The following ELAC2 variants were observed in gnomAD, a reference collection of about 807,000 sequenced individuals.
The protein encoded by ELAC2 is zinc phosphodiesterase ELAC protein 2.
In ELAC2, 92 loss-of-function variants were observed where a neutral mutation model predicts 105.2. That is an observed-to-expected ratio of 0.87 (90% CI 0.74 to 1.04). ELAC2 has a LOEUF of 1.04. Among genes scored for constraint, ELAC2 ranks in the 50% least tolerant of loss-of-function variants. ELAC2 has a pLI of 0.00. For synonymous variants in ELAC2, 468 were observed against 409.1 expected (o/e 1.14, Z -1.74); for missense variants, 1,099 against 1,071.7 (o/e 1.03, Z -0.36).
intron 21 of ELAC2, 38 bp downstream of exon 21, chr17:12,994,726 G>A (rs1401667234): frequency 1.9e-6 from 3 of 1,613,174 alleles, no homozygotes; most frequent in African/African-American, 2.7e-5. Context: ...ACAAACCCCA[G>A]AGCAACCTCA....
intron 14 of ELAC2, among the ~76,000 whole-genome samples, chr17:13,001,812 A>G (rs1216342991): frequency 6.6e-6 from 1 of 152,246 alleles, no homozygotes; most frequent in African/African-American, 2.4e-5. Context: ...AAATCTTGTT[A>G]CTTAAGACTG....
Position 12,991,656 on chromosome 17 carries a change from T to G in ELAC2, c.*1162A>C. On this transcript the variant is annotated 3_prime_UTR_variant, in exon 24 of 24. Transcript: ENST00000338034. ...TTATTATCCCTGAGCTTGGCATCTG[T>G]TCTTGCTTTAATAAACCTGCGGGGA... 1 of 196,862 alleles carries G rather than the reference T, an allele frequency of 5.1e-6. No individual in the cohort carries two copies. The highest frequency in any genetic ancestry group is 1.1e-5 in the Non-Finnish European group (1 of 94,538). The allele number at this position is 196,862 out of a possible 1,614,324, so 12.2% of individuals were successfully genotyped here. A position where few individuals can be genotyped will look rare whatever the true frequency, so the allele number is the denominator to read the frequency against.
chr17:13,015,529 C>G (rs2041666700), intron 4 of ELAC2, among the ~76,000 whole-genome samples: 1 of 152,206 alleles, frequency 6.6e-6, no homozygotes, highest in Non-Finnish European at 1.5e-5. Context: ...TCTTTAACAA[C>G]TCTATGAAAC....
At chr17:12,994,905 G>A (rs1371142437) in intron 20 of ELAC2, 21 bp from the exon 21 acceptor site, 3 of 1,614,104 alleles carry the variant, frequency 1.9e-6, no homozygotes, top group African/African-American at 2.7e-5. Context: ...GGGGCTGGAG[G>A]GCTCTGCAGC....
At chr17:12,997,912 C>T (rs1209460761) in intron 16 of ELAC2, among the ~76,000 whole-genome samples, 2 of 152,166 alleles carry the variant, frequency 1.3e-5, no homozygotes, top group African/African-American at 2.4e-5. Context: ...AATAAAGGTT[C>T]TGAACACAAA....
At chr17:12,998,319 G>T in intron 16 of ELAC2, 93 bp downstream of exon 16, 2 of 1,207,998 alleles carry the variant, frequency 1.7e-6, no homozygotes, top group Non-Finnish European at 1.2e-6. Flanking sequence ...GCTTGATACC[G>T]CATTTCAAAT....
intron 8 of ELAC2, among the ~76,000 whole-genome samples, chr17:13,008,186 C>A (rs375126891): frequency 7.9e-4 from 120 of 151,168 alleles, no homozygotes; most frequent in African/African-American, 2.7e-3. Flanking sequence ...GGCAACAGAG[C>A]GAGACTCCAT....
chr17:13,000,771 T>C lies in ELAC2; in HGVS notation c.1305-497A>G, dbSNP rs1018791731. 10 of 191,246 alleles carry C rather than the reference T, an allele frequency of 5.2e-5. 1 individual carries two copies. The South Asian group carries it at 1.0e-3, about 19-fold the overall frequency. 11.8% of individuals were successfully genotyped at this position (191,246 alleles called of 1,614,324 possible). ...TCTGCAGTGAGGCCTGAGATCCCAC[T>C]TTCCTAGCAAGCCCCAGATCACACG... On this transcript the variant is annotated intron_variant, in intron 14 of 23. Coordinates refer to ENST00000338034, the MANE Select transcript of ELAC2 (RefSeq NM_018127.7).
Position 12,992,042 on chromosome 17 carries a change from T to G in ELAC2, c.*776A>C, listed in dbSNP as rs189682049. On this transcript the variant is annotated 3_prime_UTR_variant, in exon 24 of 24. Transcript: ENST00000338034. ...TGGAAGCAACAACACAGCAAATCTA[T>G]TGTCTCCACTTTTACCCAGAACCAC... Among the ~76,000 whole-genome samples the G allele has an allele frequency of 2.7e-3, 414 of 152,272 alleles. 3 individuals carry two copies. The highest frequency in any genetic ancestry group is 9.3e-3 in the African/African-American group (385 of 41,558).
chr17:13,005,925 G>C lies in ELAC2; in HGVS notation c.793C>G (p.Pro265Ala), dbSNP rs754951722. Residue 265 changes from proline to alanine, a missense_variant, in exon 9 of 24, where the codon CCA becomes GCA. Physicochemically the swap from Pro to Ala is conservative, Grantham distance 27. Transcript: ENST00000338034. ...LVLKAKEMGL[P>A]VGTAAIAPII... is the part of the protein sequence containing the mutation. The stretch of plus-strand genomic sequence containing the variant: ...AGCCTTACCCCCCACACTCACACTG[G>C]GAGGCCCATCTCCTTTGCTTTGAGC... 2 of 1,614,044 alleles carry C rather than the reference G, an allele frequency of 1.2e-6. No individual in the cohort carries two copies. The highest frequency in any genetic ancestry group is 1.3e-5 in the African/African-American group (1 of 74,900).
In ELAC2 at chr17:12,998,507, C is replaced by T; in HGVS notation, c.1425G>A (p.Glu475=). ...RSAQDGPAPA[E]KRSQYPEIIF... is the part of the protein sequence containing the mutation. ...TGATTTCTGGGTACTGACTTCTTTT[C>T]TCTGTGAAAAAATCCATGTGAAACA... Residue 475 remains glutamate, a splice_region_variant and synonymous_variant, in exon 16 of 24, where the codon GAG becomes GAA. Coordinates refer to ENST00000338034, the MANE Select transcript of ELAC2 (RefSeq NM_018127.7). 1.2e-6 allele frequency: 2 copies of T among 1,613,944 alleles called. No homozygotes were observed. Among genetic ancestry groups the T allele is most frequent in the Non-Finnish European group, 1.7e-6 (2 of 1,179,838 alleles).
chr17:13,002,695 T>C, intron 12 of ELAC2, 116 bp from the exon 13 acceptor site: 1 of 1,506,320 alleles, frequency 6.6e-7, no homozygotes, highest in Non-Finnish European at 9.0e-7. Context: ...GTTCAGTGAC[T>C]TGCCCCAAGC....
At chr17:12,994,286 A>T in intron 22 of ELAC2, 139 bp downstream of exon 22, 1 of 994,186 alleles carries the variant, frequency 1.0e-6, no homozygotes, top group Non-Finnish European at 1.6e-6. Flanking sequence ...GAGCACTGCC[A>T]CAGGTCAAGG....
intron 8 of ELAC2, among the ~76,000 whole-genome samples, chr17:13,009,250 T>G (rs1361943759): frequency 6.6e-6 from 1 of 152,174 alleles, no homozygotes; most frequent in Non-Finnish European, 1.5e-5. Context: ...CTACTTACTT[T>G]CATTATTATT....
chr17:12,994,549 G>A lies in ELAC2; in HGVS notation c.2030-46C>T, dbSNP rs138847889. The A allele has an allele frequency of 3.5e-5, 57 of 1,610,118 alleles. No homozygotes were observed. In the African/African-American group the frequency reaches 3.9e-4, roughly 11 times the overall value. On this transcript the variant is annotated intron_variant, in intron 21 of 23. Coordinates refer to ENST00000338034, the MANE Select transcript of ELAC2 (RefSeq NM_018127.7). ...TCAGGGCAGAGTTCTCTGCGAGAGCGGCACACAGGCCTCAGTCACGTGCTG... is the reference window on the plus strand; with the variant it reads ...TCAGGGCAGAGTTCTCTGCGAGAGCAGCACACAGGCCTCAGTCACGTGCTG...
rs1452741873 is a variant in ELAC2 at position 12,991,852 on chromosome 17, CTTACTTACTTACTTACT to C, written c.*949_*965del. ...CACAATAAATACTAGATTCAACTTACTTACTTACTTACTTACTTTACTTACTTACTTCCTTGGAAAAT... is the reference window on the plus strand; with the variant it reads ...CACAATAAATACTAGATTCAACTTACTTACTTACTTACTTCCTTGGAAAAT... On this transcript the variant is annotated 3_prime_UTR_variant, in exon 24 of 24. Coordinates refer to ENST00000338034, the MANE Select transcript of ELAC2 (RefSeq NM_018127.7). Among the ~76,000 whole-genome samples, 2 of 147,366 alleles carry C rather than the reference CTTACTTACTTACTTACT, an allele frequency of 1.4e-5. No individual in the cohort carries two copies. The highest frequency in any genetic ancestry group is 2.5e-5 in the African/African-American group (1 of 40,738).
intron 8 of ELAC2, among the ~76,000 whole-genome samples, chr17:13,008,250 G>A (rs139863456): frequency 0.1 from 15,665 of 151,738 alleles, 1,045 homozygotes; most frequent in Non-Finnish European, 0.14. Flanking sequence ...GATGGCTCAC[G>A]CCTGTAATCC....
chr17:13,002,558 G>C lies in ELAC2; in HGVS notation c.1101C>G (p.His367Gln). ...WMERFGPDTQ[H>Q]LVLNENCASV... ...AGGCACAGTTCTCATTCAGGACCAA[G>C]TGCTGGGTGTCAGGCCCAAACCTGT... The change falls in exon 13 of 24, where the codon CAC (histidine) becomes CAG (glutamine). Residue 367 changes from histidine (H) to glutamine (Q), a missense_variant. By Grantham distance (24) the His-to-Gln change is conservative. Coordinates refer to ENST00000338034, the MANE Select transcript of ELAC2 (RefSeq NM_018127.7). 1.2e-6 allele frequency: 2 copies of C among 1,604,054 alleles called. No individual in the cohort carries two copies. Among genetic ancestry groups the C allele is most frequent in the Non-Finnish European group, 1.7e-6 (2 of 1,174,374 alleles).
Position 12,993,843 on chromosome 17 carries a change from G to A in ELAC2, c.2109-12C>T. On this transcript the variant is annotated splice_polypyrimidine_tract_variant and intron_variant, in intron 22 of 23. Coordinates refer to ENST00000338034, the MANE Select transcript of ELAC2 (RefSeq NM_018127.7). ...CTTGGGACGTTGTGCTGCAGGTGAA[G>A]GACAGAGCAGACTGAAGCTGAACTC... The A allele has an allele frequency of 6.2e-7, 1 of 1,614,124 alleles. No homozygotes were observed. The highest frequency in any genetic ancestry group is 8.5e-7 in the Non-Finnish European group (1 of 1,180,024).
Sources: gnomAD v4.1 joint callset for allele counts (sites outside exome capture counted in the v4.1 genomes callset) on GRCh38, gnomAD v4.1.1 for gene constraint, MANE v1.5 for transcripts, NCBI Gene and HGNC (gene_info 2026-07-23, HGNC 2026-07-21) for gene names.